The following MLPH variants were observed in gnomAD, a reference collection of about 807,000 sequenced individuals.
MLPH encodes the protein melanophilin, also known as exophilin-3.
Under a neutral mutation model 72.1 loss-of-function variants are expected in MLPH, and 51 were observed. The observed-to-expected ratio is 0.71, with a 90% confidence interval of 0.56 to 0.89. MLPH has a LOEUF of 0.89. MLPH is among the 40% of genes least tolerant of loss of function. The pLI is 0.00. For synonymous variants in MLPH, 301 were observed against 310.1 expected, an observed-to-expected ratio of 0.97 and a Z score of 0.31; for missense variants, 743 against 759.9, an observed-to-expected ratio of 0.98 and a Z score of 0.26.
chr2:237,486,503 A>T (rs2079321622), upstream of MLPH: 1 of 152,264 alleles, frequency 6.6e-6, no homozygotes, highest in African/African-American at 2.4e-5. Flanking sequence ...GAGCACCCAA[A>T]GGCCGGCCCT....
intron 9 of MLPH, among the ~76,000 whole-genome samples, chr2:237,535,924 G>A (rs1051625522): frequency 5.3e-5 from 8 of 152,128 alleles, no homozygotes; most frequent in South Asian, 2.1e-4. Flanking sequence ...GGCACCACTC[G>A]GTCTTTCCCA....
At chr2:237,533,191 T>G (rs2080457882) in intron 8 of MLPH, among the ~76,000 whole-genome samples, 1 of 152,182 alleles carries the variant, frequency 6.6e-6, no homozygotes. Context: ...CGTTAGACTC[T>G]TCACCCTCTC....
At chr2:237,543,093 T>G (rs1412070124) in intron 12 of MLPH, among the ~76,000 whole-genome samples, 2 of 42,080 alleles carry the variant, frequency 4.8e-5, no homozygotes, top group African/African-American at 1.2e-4. Context: ...CAGTGGTGAG[T>G]GGGGACAGTG....
intron 4 of MLPH, among the ~76,000 whole-genome samples, chr2:237,517,040 G>T (rs1213993683): frequency 9.5e-6 from 1 of 105,074 alleles, no homozygotes; most frequent in Admixed American, 8.2e-5. Flanking sequence ...TGGATGGATG[G>T]ATAGGTAAGT....
intron 2 of MLPH, among the ~76,000 whole-genome samples, chr2:237,498,195 AG>A (rs148710609): frequency 0.023 from 3,524 of 152,356 alleles, 155 homozygotes; most frequent in African/African-American, 0.079. Flanking sequence ...CAAGTTTGCC[AG>A]GGGGTTGATT....
chr2:237,540,760 T>A (rs765360148), intron 10 of MLPH, 42 bp from the exon 11 acceptor site: 24 of 1,607,908 alleles, frequency 1.5e-5, no homozygotes, highest in Non-Finnish European at 2.0e-5. Context: ...AACCCCACAC[T>A]CCCTCCTGCT....
In MLPH at chr2:237,527,502, T is replaced by C; in HGVS notation, c.1006T>C (p.Ser336Pro). ...SHHSKRRGRASSESQIFELNK... is the reference protein window; with the variant it reads ...SHHSKRRGRAPSESQIFELNK... ...CCATTCCAAGCGGAGAGGCCGGGCG[T>C]CTTCTGAGAGTCAGGTAACGGTGGC... Residue 336 changes from serine to proline, a missense_variant, in exon 8 of 16, where the codon TCT becomes CCT. Ser to Pro is a moderately conservative substitution (Grantham distance 74). Transcript: ENST00000264605. 6.2e-7 allele frequency: 1 copy of C among 1,614,176 alleles called. No individual in the cohort carries two copies. The highest frequency in any genetic ancestry group is 8.5e-7 in the Non-Finnish European group (1 of 1,180,038).
At position 237,510,220 on chromosome 2, in the gene MLPH, C is replaced by T. The variant is rs1354869466; in HGVS notation, c.111-354C>T. The T allele has an allele frequency of 5.6e-6, 2 of 360,174 alleles. No individual in the cohort carries two copies. The highest frequency in any genetic ancestry group is 1.4e-4 in the East Asian group (2 of 14,350). 22.3% of individuals were successfully genotyped at this position (360,174 alleles called of 1,614,324 possible). On this transcript the variant is annotated intron_variant, in intron 2 of 15. Transcript: ENST00000264605. The surrounding 1 kb of genome is among the most constrained non-coding windows in gnomAD (Gnocchi z 4.4). ...TGCTTGATCAGGAAACACCATCTGGCTTTGCCCCCAGGATTCTGTGACTGC... is the reference window on the plus strand; with the variant it reads ...TGCTTGATCAGGAAACACCATCTGGTTTTGCCCCCAGGATTCTGTGACTGC...
chr2:237,552,530 G>A, intron 15 of MLPH, 93 bp downstream of exon 15: 1 of 1,074,540 alleles, frequency 9.3e-7, no homozygotes, highest in Non-Finnish European at 1.4e-6. Flanking sequence ...CAAAGAAAAT[G>A]GAGATAAACA....
At chr2:237,542,521 C>T in intron 11 of MLPH, 46 bp from the exon 12 acceptor site, 1 of 1,468,750 alleles carries the variant, frequency 6.8e-7, no homozygotes, top group Non-Finnish European at 9.4e-7. Context: ...GAGGCGGGAT[C>T]TCGAGCGTCT....
chr2:237,553,582 A>G lies in MLPH; in HGVS notation c.1793A>G (p.His598Arg). The G allele has an allele frequency of 6.2e-7, 1 of 1,614,214 alleles. No homozygotes were observed. Among genetic ancestry groups the G allele is most frequent in the Non-Finnish European group, 8.5e-7 (1 of 1,180,048 alleles). Residue 598 changes from histidine to arginine, a missense_variant, in exon 16 of 16, where the codon CAC (histidine) becomes CGC (arginine). Physicochemically the swap from His to Arg is conservative, Grantham distance 29. Coordinates refer to ENST00000264605, the MANE Select transcript of MLPH (RefSeq NM_024101.7). ...SHTFAKPVVA[H>R]QS The stretch of plus-strand genomic sequence containing the variant: ...ACTTTACAGAAACCTGTGGTGGCCC[A>G]CCAGTCCTAACGGGACAGGACAGAG...
At chr2:237,489,345 C>T (rs955802518) in intron 1 of MLPH, among the ~76,000 whole-genome samples, 1 of 152,214 alleles carries the variant, frequency 6.6e-6, no homozygotes, top group Admixed American at 6.5e-5. Flanking sequence ...GGGCAGAACA[C>T]CCTCCCAGTG....
Position 237,542,554 on chromosome 2 carries a change from TG to T in MLPH, c.1447-12del, listed in dbSNP as rs778075724. 2.1e-5 allele frequency: 34 copies of T among 1,586,054 alleles called. No individual in the cohort carries two copies. The Admixed American group carries it at 3.2e-4, about 15-fold the overall frequency. On this transcript the variant is annotated splice_polypyrimidine_tract_variant and intron_variant, in intron 11 of 15. Coordinates refer to ENST00000264605, the MANE Select transcript of MLPH (RefSeq NM_024101.7). ...TCTGTCTGACGGGCCTTCTGTCTGCTGTCCTCTCGCAGGTTTCAGACATTGA... is the reference window on the plus strand; with the variant it reads ...TCTGTCTGACGGGCCTTCTGTCTGCTTCCTCTCGCAGGTTTCAGACATTGA...
At chr2:237,531,450 T>G (rs979612225) in intron 8 of MLPH, among the ~76,000 whole-genome samples, 2 of 151,654 alleles carry the variant, frequency 1.3e-5, no homozygotes, top group African/African-American at 4.8e-5. Flanking sequence ...TCTCCTAGCC[T>G]GAAGACAACA....
chr2:237,529,066 A>C (rs2080365360), intron 8 of MLPH, among the ~76,000 whole-genome samples: 1 of 152,100 alleles, frequency 6.6e-6, no homozygotes, highest in South Asian at 2.1e-4. Context: ...TTTTTTAGAA[A>C]GAGTGTTGCT....
At chr2:237,545,644 A>G in intron 12 of MLPH, 1 of 1,276,428 alleles carries the variant, frequency 7.8e-7, no homozygotes, top group Non-Finnish European at 1.0e-6. Context: ...GGAGCTGCTC[A>G]CGTCAGGCCA....
chr2:237,506,449 T>C (rs546206403), intron 2 of MLPH, among the ~76,000 whole-genome samples: 10 of 152,290 alleles, frequency 6.6e-5, no homozygotes, highest in African/African-American at 2.4e-4. Flanking sequence ...ATCGGCAGAC[T>C]CACGTCTCCA....
intron 8 of MLPH, among the ~76,000 whole-genome samples, chr2:237,532,341 A>C (rs921783398): frequency 6.6e-6 from 1 of 152,200 alleles, no homozygotes; most frequent in African/African-American, 2.4e-5. Context: ...AGGGGTAAAG[A>C]CTTCCTGTAG....
rs1435184800 is a variant in MLPH at position 237,512,157 on chromosome 2, G to A, written c.445+1056G>A. 6.6e-6 allele frequency among the ~76,000 whole-genome samples: 1 copy of A among 152,250 alleles called. No homozygotes were observed. Among genetic ancestry groups the A allele is most frequent in the African/African-American group, 2.4e-5 (1 of 41,468 alleles). On this transcript the variant is annotated intron_variant, in intron 4 of 15. Transcript: ENST00000264605. The surrounding 1 kb of genome is among the most constrained non-coding windows in gnomAD (Gnocchi z 5.5). ...GCAGAGGCTGTGCTTCTGGATTGGG[G>A]CGTCCTCACCATGCCCCAGCCCAGG...
Sources: gnomAD v4.1 joint callset for allele counts (sites outside exome capture counted in the v4.1 genomes callset) on GRCh38, gnomAD v4.1.1 for gene constraint, Gnocchi (gnomAD v3.1) non-coding constraint, MANE v1.5 for transcripts, NCBI Gene and HGNC (gene_info 2026-07-23, HGNC 2026-07-21) for gene names.